PALLD: variants seen among roughly 807,000 people sequenced by gnomAD.
The protein encoded by PALLD is palladin.
PALLD carries 61 observed loss-of-function variants against 123.5 expected under a neutral mutation model. That is an observed-to-expected ratio of 0.49 (90% CI 0.40 to 0.61). The LOEUF (loss-of-function observed/expected upper bound fraction) is 0.61, where lower values mean the gene tolerates loss of function less well. Ranked by LOEUF, PALLD falls within the 20% of genes least tolerant of loss-of-function variation. The pLI, the probability that PALLD is intolerant of heterozygous loss-of-function variation, is 0.00. For missense variants in PALLD, 1,273 were observed against 1,377.0 expected, an observed-to-expected ratio of 0.92 and a Z score of 1.20; for synonymous variants, 465 against 496.4, an observed-to-expected ratio of 0.94 and a Z score of 0.84.
At chr4:168,555,833 A>G (rs929970038) in intron 2 of PALLD, among the ~76,000 whole-genome samples, 3 of 152,204 alleles carry the variant, frequency 2.0e-5, no homozygotes, top group African/African-American at 4.8e-5. Context: ...ATTATTCAAA[A>G]GCTTACCTCT....
At chr4:168,591,557 C>G (rs140146125) in intron 2 of PALLD, among the ~76,000 whole-genome samples, 2 of 152,228 alleles carry the variant, frequency 1.3e-5, no homozygotes, top group African/African-American at 4.8e-5. Flanking sequence ...TTCTCATCAC[C>G]GGTAAAAACG....
chr4:168,904,248 T>C (rs1250807521), intron 15 of PALLD: 5 of 272,754 alleles, frequency 1.8e-5, no homozygotes, highest in Admixed American at 1.8e-4. Flanking sequence ...TCAGGTAGGA[T>C]TACATGAAGA....
chr4:168,810,804 G>C (rs1225330645), intron 10 of PALLD, among the ~76,000 whole-genome samples: 1 of 131,246 alleles, frequency 7.6e-6, no homozygotes, highest in Non-Finnish European at 1.6e-5. Context: ...GACAGAGCGA[G>C]ACTCCGTCTC....
Position 168,683,040 on chromosome 4 carries a change from A to C in PALLD, c.1197A>C (p.Ser399=). ...CTTCTGTTTCCTTGACAATAGGATC[A>C]TCATCTCCAAAGACAGGGGTGACCA... is the stretch of plus-strand genomic sequence containing the variant. ...KTTSVSLTIG[S]SSPKTGVTTA... is the part of the protein sequence containing the mutation. The change falls in exon 5 of 22, where the codon TCA becomes TCC. Residue 399 remains serine, a synonymous_variant. Coordinates refer to ENST00000505667, the MANE Select transcript of PALLD (RefSeq NM_001166108.2). 6.2e-7 allele frequency: 1 copy of C among 1,613,106 alleles called. No homozygotes were observed. Among genetic ancestry groups the C allele is most frequent in the South Asian group, 1.1e-5 (1 of 91,048 alleles).
chr4:168,794,429 G>A (rs577569335), intron 10 of PALLD, among the ~76,000 whole-genome samples: 74 of 147,820 alleles, frequency 5.0e-4, no homozygotes, highest in African/African-American at 1.5e-3. Context: ...ACACGCATGC[G>A]CGCGCACACA....
chr4:168,620,824 A>G (rs1449192808), intron 2 of PALLD, among the ~76,000 whole-genome samples: 1 of 152,234 alleles, frequency 6.6e-6, no homozygotes, highest in Non-Finnish European at 1.5e-5. Flanking sequence ...GCCACACAGT[A>G]TATGCAAAAA....
chr4:168,819,339 G>C (rs1159064125), intron 10 of PALLD, among the ~76,000 whole-genome samples: 3 of 151,204 alleles, frequency 2.0e-5, no homozygotes, highest in Non-Finnish European at 3.0e-5. Flanking sequence ...GTGTGTGTGT[G>C]TGTGTGTGTG....
chr4:168,725,882 T>C (rs1190787299), intron 10 of PALLD, among the ~76,000 whole-genome samples: 2 of 152,096 alleles, frequency 1.3e-5, no homozygotes, highest in African/African-American at 4.8e-5. Flanking sequence ...CTAAAAAGAG[T>C]AGCTTAGTCT....
chr4:168,671,832 C>T (rs544079999), intron 3 of PALLD, among the ~76,000 whole-genome samples: 1 of 152,288 alleles, frequency 6.6e-6, no homozygotes, highest in Admixed American at 6.5e-5. Context: ...CATCAGCTGT[C>T]GTTGGCAGCC....
At chr4:168,823,599 G>A (rs1056959733) in intron 10 of PALLD, among the ~76,000 whole-genome samples, 3 of 151,926 alleles carry the variant, frequency 2.0e-5, no homozygotes, top group African/African-American at 7.2e-5. Context: ...AGGATGGCTT[G>A]ATCCCAGAAG....
At chr4:168,731,371 G>A (rs1172187229) in intron 10 of PALLD, among the ~76,000 whole-genome samples, 2 of 152,132 alleles carry the variant, frequency 1.3e-5, no homozygotes, top group African/African-American at 2.4e-5. Flanking sequence ...AGCAGTATAG[G>A]ACAGACAGAA....
At chr4:168,646,491 C>T (rs768385018) in intron 2 of PALLD, among the ~76,000 whole-genome samples, 1 of 152,164 alleles carries the variant, frequency 6.6e-6, no homozygotes, top group Non-Finnish European at 1.5e-5. Flanking sequence ...CTACTTACAA[C>T]TTTACCACCC....
At chr4:168,546,015 A>G (rs1766105682) in intron 2 of PALLD, among the ~76,000 whole-genome samples, 1 of 152,138 alleles carries the variant, frequency 6.6e-6, no homozygotes, top group African/African-American at 2.4e-5. Flanking sequence ...GCACAATTCC[A>G]TTCTAAAAGA....
chr4:168,573,676 A>T (rs1299782053), intron 2 of PALLD, among the ~76,000 whole-genome samples: 1 of 152,142 alleles, frequency 6.6e-6, no homozygotes, highest in Non-Finnish European at 1.5e-5. Context: ...TCAGGCTGAG[A>T]GGGTTAGAAA....
At chr4:168,826,503 G>A (rs1743439751) in intron 10 of PALLD, among the ~76,000 whole-genome samples, 1 of 152,104 alleles carries the variant, frequency 6.6e-6, no homozygotes, top group African/African-American at 2.4e-5. Context: ...ACTGTCCCTG[G>A]GATGATAGTT....
intron 2 of PALLD, among the ~76,000 whole-genome samples, chr4:168,636,666 C>G (rs909840097): frequency 1.1e-4 from 17 of 152,174 alleles, no homozygotes; most frequent in African/African-American, 4.1e-4. Flanking sequence ...TGATGAATCA[C>G]TGGCTGGAAG....
chr4:168,782,176 T>C (rs1222073379), intron 10 of PALLD, among the ~76,000 whole-genome samples: 2 of 152,224 alleles, frequency 1.3e-5, no homozygotes, highest in Non-Finnish European at 2.9e-5. Flanking sequence ...TCAAAGATGC[T>C]GACTGCTGTG....
chr4:168,508,312 C>T lies in PALLD; in HGVS notation c.-82-3111C>T, dbSNP rs143196407. ...AAAATACAATTTAAAAAAAGACATA[C>T]TCAATTATATAAGCTTATTATTTAG... On this transcript the variant is annotated intron_variant, in intron 1 of 21. Coordinates refer to ENST00000505667, the MANE Select transcript of PALLD (RefSeq NM_001166108.2). Among the ~76,000 whole-genome samples, 693 of 152,206 alleles carry T rather than the reference C, an allele frequency of 4.6e-3. 6 individuals are homozygous for T. Among genetic ancestry groups the T allele is most frequent in the African/African-American group, 0.016 (667 of 41,518 alleles).
intron 10 of PALLD, among the ~76,000 whole-genome samples, chr4:168,851,191 T>C (rs2062588): frequency 0.65 from 99,320 of 152,094 alleles, 37,203 homozygotes; most frequent in East Asian, 0.96. Flanking sequence ...ACCCACAGTC[T>C]GGCTTACCTT....
Sources: allele counts gnomAD v4.1 joint callset (sites outside exome capture counted in the v4.1 genomes callset), GRCh38; gene constraint gnomAD v4.1.1; transcripts MANE v1.5; gene names NCBI Gene and HGNC (gene_info 2026-07-23, HGNC 2026-07-21).